SOS2: variants seen among roughly 807,000 people sequenced by gnomAD.
SOS2 encodes SOS Ras/Rho guanine nucleotide exchange factor 2.
Under a neutral mutation model 148.2 loss-of-function variants are expected in SOS2, and 65 were observed. The observed-to-expected ratio is 0.44, with a 90% confidence interval of 0.36 to 0.54. The LOEUF (loss-of-function observed/expected upper bound fraction) is 0.54, where lower values mean the gene tolerates loss of function less well. SOS2 is among the 20% of genes least tolerant of loss of function. The pLI, the probability that SOS2 is intolerant of heterozygous loss-of-function variation, is 0.00. For missense variants in SOS2, 1,341 were observed against 1,590.2 expected (o/e 0.84, Z 2.67); for synonymous variants, 539 against 537.1 (o/e 1.00, Z -0.05).
chr14:50,128,777 A>T lies in SOS2; in HGVS notation c.3379+1184T>A, dbSNP rs536594504. On this transcript the variant is annotated intron_variant, in intron 21 of 22. Coordinates refer to ENST00000216373, the MANE Select transcript of SOS2 (RefSeq NM_006939.4). ...TTCTATTAATATGTCACTTTGATAA[A>T]TTTTTTTTTGGTAGGGAGGACAGGG... Among the ~76,000 whole-genome samples, 51 of 151,540 alleles carry T rather than the reference A, an allele frequency of 3.4e-4. No homozygotes were observed. In the East Asian group the frequency reaches 9.5e-3, roughly 28 times the overall value.
At chr14:50,210,626 T>A (rs1346285695) in intron 1 of SOS2, among the ~76,000 whole-genome samples, 1 of 152,106 alleles carries the variant, frequency 6.6e-6, no homozygotes, top group East Asian at 1.9e-4. Context: ...AGAAGATATA[T>A]GTAGTACATG....
intron 21 of SOS2, among the ~76,000 whole-genome samples, chr14:50,126,568 G>C (rs1287969096): frequency 6.6e-6 from 1 of 151,846 alleles, no homozygotes; most frequent in Non-Finnish European, 1.5e-5. Flanking sequence ...AATTAGAATA[G>C]GATGCTATTA....
intron 13 of SOS2, among the ~76,000 whole-genome samples, chr14:50,152,145 TAAA>T (rs1005643965): frequency 1.3e-5 from 2 of 152,162 alleles, no homozygotes; most frequent in Non-Finnish European, 2.9e-5. Flanking sequence ...ATATTCCCCT[TAAA>T]GAACAAGTAG....
At chr14:50,189,162 C>T (rs1234447062) in intron 4 of SOS2, among the ~76,000 whole-genome samples, 1 of 145,772 alleles carries the variant, frequency 6.9e-6, no homozygotes, top group Non-Finnish European at 1.5e-5. Context: ...TATGATAAAA[C>T]CTAGAATAAA....
intron 1 of SOS2, among the ~76,000 whole-genome samples, chr14:50,224,132 A>T (rs1023323838): frequency 1.3e-5 from 2 of 151,400 alleles, no homozygotes; most frequent in African/African-American, 4.9e-5. Context: ...AAAATATAAA[A>T]AAAAAAAAAT....
rs1243892307 is a variant in SOS2 at position 50,218,127 on chromosome 14, A to G, written c.87+13070T>C. Among the ~76,000 whole-genome samples, 2 of 149,112 alleles carry G rather than the reference A, an allele frequency of 1.3e-5. 1 individual carries two copies. Among genetic ancestry groups the G allele is most frequent in the Admixed American group, 1.3e-4 (2 of 14,908 alleles). On this transcript the variant is annotated intron_variant, in intron 1 of 22. Transcript: ENST00000216373. ...AGCCTAGGCAACACAGCAAGACCCT[A>G]TCTCTTAAAAACAAAAAAAAAAAAA...
rs924531063 is a variant in SOS2, at chr14:50,130,497, T to C, written c.3337+4A>G. Reference sequence around the variant, plus strand: ...TTACCAAGCGGTTTACATCAAATACTTACCACAGGAGCTGTTGAGATCCAC... The same window carrying C: ...TTACCAAGCGGTTTACATCAAATACCTACCACAGGAGCTGTTGAGATCCAC... On this transcript the variant is annotated splice_donor_region_variant and intron_variant, in intron 20 of 22. Coordinates refer to ENST00000216373, the MANE Select transcript of SOS2 (RefSeq NM_006939.4). 1 of 1,611,748 alleles carries C rather than the reference T, an allele frequency of 6.2e-7. No individual in the cohort carries two copies. Among genetic ancestry groups the C allele is most frequent in the Non-Finnish European group, 8.5e-7 (1 of 1,178,870 alleles).
intron 18 of SOS2, 145 bp downstream of exon 18, chr14:50,138,467 A>G: frequency 4.8e-6 from 2 of 415,970 alleles, no homozygotes; most frequent in Non-Finnish European, 4.2e-6. Context: ...GGCCTCTTAC[A>G]GTTACTTTTA....
chr14:50,189,389 C>G (rs1356499539), intron 4 of SOS2, among the ~76,000 whole-genome samples: 1 of 137,592 alleles, frequency 7.3e-6, no homozygotes, highest in Admixed American at 7.5e-5. Context: ...AGCCAAAAAT[C>G]CCAGTTCAGC....
intron 9 of SOS2, among the ~76,000 whole-genome samples, chr14:50,161,109 G>A (rs1451935389): frequency 4.6e-5 from 7 of 151,800 alleles, no homozygotes; most frequent in African/African-American, 1.5e-4. Flanking sequence ...TCTGGCCGAC[G>A]CGGTAAAACC....
chr14:50,193,505 C>G (rs1359481283), intron 4 of SOS2, among the ~76,000 whole-genome samples: 1 of 152,036 alleles, frequency 6.6e-6, no homozygotes, highest in Non-Finnish European at 1.5e-5. Flanking sequence ...GCTAGAATAC[C>G]TCATATAGCC....
Position 50,137,131 on chromosome 14 carries a change from G to A in SOS2, c.2958+1481C>T, listed in dbSNP as rs115240495. On this transcript the variant is annotated intron_variant, in intron 18 of 22. Coordinates refer to ENST00000216373, the MANE Select transcript of SOS2 (RefSeq NM_006939.4). Reference sequence around the variant, plus strand: ...AGTTATAATATGTTCCCAAGTTCAAGTATAATATAATAACATTCATTTAGC... The same window carrying A: ...AGTTATAATATGTTCCCAAGTTCAAATATAATATAATAACATTCATTTAGC... 2.0e-3 allele frequency among the ~76,000 whole-genome samples: 305 copies of A among 152,242 alleles called. 2 individuals carry two copies. The highest frequency in any genetic ancestry group is 6.4e-3 in the African/African-American group (265 of 41,542).
intron 4 of SOS2, among the ~76,000 whole-genome samples, chr14:50,197,155 C>T (rs1292491537): frequency 6.6e-6 from 1 of 152,020 alleles, no homozygotes. Flanking sequence ...GCCTGGCCTA[C>T]AACATCTAAA....
At chr14:50,172,199 TG>T (rs1374239685) in intron 8 of SOS2, among the ~76,000 whole-genome samples, 4 of 152,074 alleles carry the variant, frequency 2.6e-5, no homozygotes, top group Non-Finnish European at 4.4e-5. Context: ...TGACTATTAA[TG>T]GTTTGAATAC....
chr14:50,127,837 A>G (rs1054068760), intron 21 of SOS2, among the ~76,000 whole-genome samples: 3 of 152,214 alleles, frequency 2.0e-5, no homozygotes, highest in Non-Finnish European at 4.4e-5. Flanking sequence ...TTATGTACTG[A>G]GTAAGTAAAT....
At chr14:50,186,747 T>G (rs1885923807) in intron 5 of SOS2, among the ~76,000 whole-genome samples, 1 of 152,220 alleles carries the variant, frequency 6.6e-6, no homozygotes, top group Non-Finnish European at 1.5e-5. Context: ...AACATAAAGT[T>G]CTGACTACTT....
chr14:50,177,592 T>C (rs1022452670), intron 7 of SOS2, among the ~76,000 whole-genome samples: 10 of 152,066 alleles, frequency 6.6e-5, no homozygotes. Flanking sequence ...ATGTGTTGAG[T>C]GCTTTTAATG....
At chr14:50,167,857 G>C (rs371482905) in intron 8 of SOS2, among the ~76,000 whole-genome samples, 39 of 150,556 alleles carry the variant, frequency 2.6e-4, no homozygotes, top group African/African-American at 8.3e-4. Flanking sequence ...GATACAGTGA[G>C]ACTCTGTCTC....
intron 10 of SOS2, 84 bp downstream of exon 10, chr14:50,159,347 C>T: frequency 2.4e-6 from 2 of 834,606 alleles, no homozygotes; most frequent in Non-Finnish European, 1.8e-6. Context: ...CATTTTTTCC[C>T]CAAGCCTCAA....
Sources: gnomAD v4.1 joint callset for allele counts (sites outside exome capture counted in the v4.1 genomes callset) on GRCh38, gnomAD v4.1.1 for gene constraint, MANE v1.5 for transcripts, NCBI Gene and HGNC (gene_info 2026-07-23, HGNC 2026-07-21) for gene names.